The following DPP10 variants were observed in gnomAD, a reference collection of about 807,000 sequenced individuals.
The protein encoded by DPP10 is inactive dipeptidyl peptidase 10.
In DPP10, 33 loss-of-function variants were observed where a neutral mutation model predicts 120.9. The ratio of observed to expected loss-of-function variants is 0.27; its 90% CI spans 0.21 to 0.37. The LOEUF is 0.37. Among genes scored for constraint, DPP10 ranks in the 10% least tolerant of loss-of-function variants. The pLI is 1.00. For synonymous variants in DPP10, 337 were observed against 326.1 expected (o/e 1.03, Z -0.36); for missense variants, 816 against 942.8 (o/e 0.87, Z 1.76).
At chr2:115,509,005 A>T (rs1445341130) in intron 4 of DPP10, among the ~76,000 whole-genome samples, 1 of 152,186 alleles carries the variant, frequency 6.6e-6, no homozygotes, top group Non-Finnish European at 1.5e-5. Flanking sequence ...GGAGTATTAG[A>T]AACAAAGAAT....
intron 1 of DPP10, among the ~76,000 whole-genome samples, chr2:115,020,296 TAGGTA>T (rs1321142930): frequency 6.6e-6 from 1 of 152,102 alleles, no homozygotes; most frequent in Non-Finnish European, 1.5e-5. Context: ...ACATAAACTT[TAGGTA>T]AAGTGGTGGA....
rs939494628 is a variant in DPP10, at chr2:115,804,750, C to T, written c.1701-10043C>T. On this transcript the variant is annotated intron_variant, in intron 19 of 25. Coordinates refer to ENST00000410059, the MANE Select transcript of DPP10 (RefSeq NM_020868.6). ...AGTGGTGGCTGCAGAACAGTGGATACTGGTGAACCGCAAATGCTGCTGCCT... is the reference window on the plus strand; with the variant it reads ...AGTGGTGGCTGCAGAACAGTGGATATTGGTGAACCGCAAATGCTGCTGCCT... 2.6e-5 allele frequency among the ~76,000 whole-genome samples: 4 copies of T among 152,166 alleles called. No homozygotes were observed. The South Asian group carries it at 8.3e-4, about 32-fold the overall frequency.
chr2:114,923,746 G>A (rs918093274), intron 1 of DPP10, among the ~76,000 whole-genome samples: 14 of 131,776 alleles, frequency 1.1e-4, no homozygotes, highest in East Asian at 8.8e-4. Flanking sequence ...GATTACAGGC[G>A]TGAGCCACCG....
chr2:115,532,497 ATAC>A (rs1436676208), intron 5 of DPP10, among the ~76,000 whole-genome samples: 5 of 152,134 alleles, frequency 3.3e-5, no homozygotes, highest in East Asian at 1.9e-4. Context: ...CAAGTGAAAC[ATAC>A]TACAATATGT....
chr2:115,631,000 CT>C (rs1450621491), intron 5 of DPP10, among the ~76,000 whole-genome samples: 1 of 141,098 alleles, frequency 7.1e-6, no homozygotes, highest in East Asian at 2.1e-4. Context: ...CTTTGTACTT[CT>C]GGTAGAATTC....
intron 1 of DPP10, chr2:114,463,264 T>G (rs1679080269): frequency 1.3e-5 from 2 of 152,170 alleles, no homozygotes; most frequent in Non-Finnish European, 2.9e-5. Context: ...ACAATGATGT[T>G]TCCTACTCTA....
chr2:114,566,137 A>T (rs1030120792), intron 1 of DPP10, among the ~76,000 whole-genome samples: 1 of 152,150 alleles, frequency 6.6e-6, no homozygotes. Context: ...CAATTATCAG[A>T]AGCGTTTTTT....
chr2:114,965,969 AAAAAAAAAAAAAAAAAAAG>A (rs1698993726), intron 1 of DPP10, among the ~76,000 whole-genome samples: 1 of 146,760 alleles, frequency 6.8e-6, no homozygotes, highest in African/African-American at 2.5e-5. Flanking sequence ...CTTCTCAAAA[AAAAAAAAAAAAAAAAAAAG>A]AAAAAAAAAG....
chr2:114,467,636 T>C (rs1449729768), intron 1 of DPP10, among the ~76,000 whole-genome samples: 2 of 152,196 alleles, frequency 1.3e-5, no homozygotes, highest in Non-Finnish European at 2.9e-5. Context: ...AATCAATGCT[T>C]GTTTTTTGTT....
intron 1 of DPP10, among the ~76,000 whole-genome samples, chr2:114,812,673 C>T (rs1685283369): frequency 6.6e-6 from 1 of 151,606 alleles, no homozygotes; most frequent in East Asian, 1.9e-4. Context: ...ACCTCTGTAT[C>T]TCTACAGCTT....
At chr2:115,371,595 T>TA (rs1207688123) in intron 3 of DPP10, among the ~76,000 whole-genome samples, 4 of 152,206 alleles carry the variant, frequency 2.6e-5, no homozygotes, top group African/African-American at 9.6e-5. Flanking sequence ...TACTCTGAGT[T>TA]ACTTAAATTG....
At chr2:115,587,251 C>G (rs1358881266) in intron 5 of DPP10, among the ~76,000 whole-genome samples, 1 of 151,988 alleles carries the variant, frequency 6.6e-6, no homozygotes, top group East Asian at 1.9e-4. Context: ...GCTCCCGCGA[C>G]CACGCCCAGC....
intron 1 of DPP10, among the ~76,000 whole-genome samples, chr2:115,171,084 G>T (rs2053283996): frequency 6.6e-6 from 1 of 152,122 alleles, no homozygotes; most frequent in African/African-American, 2.4e-5. Flanking sequence ...ATATTGGCTG[G>T]GCACAGTGGC....
chr2:115,642,368 G>A (rs2086855410), intron 5 of DPP10, among the ~76,000 whole-genome samples: 2 of 152,096 alleles, frequency 1.3e-5, no homozygotes. Context: ...CACAAGGTGG[G>A]TGGGCTCATC....
intron 1 of DPP10, among the ~76,000 whole-genome samples, chr2:115,184,821 A>C (rs191278128): frequency 1.3e-5 from 2 of 152,364 alleles, no homozygotes; most frequent in East Asian, 3.9e-4. Context: ...GCAATGAGAC[A>C]GAATAATCTA....
chr2:114,545,581 A>G (rs1207220323), intron 1 of DPP10, among the ~76,000 whole-genome samples: 2 of 152,236 alleles, frequency 1.3e-5, no homozygotes, highest in Admixed American at 1.3e-4. Context: ...GGGGATTTAG[A>G]TAAAACTTTC....
intron 1 of DPP10, among the ~76,000 whole-genome samples, chr2:114,510,194 T>A (rs1188788287): frequency 6.6e-6 from 1 of 152,148 alleles, no homozygotes; most frequent in Admixed American, 6.6e-5. Context: ...GTCATGCAAT[T>A]TGGATGTGAA....
At chr2:115,051,484 G>A (rs947909142) in intron 1 of DPP10, among the ~76,000 whole-genome samples, 1 of 152,144 alleles carries the variant, frequency 6.6e-6, no homozygotes, top group African/African-American at 2.4e-5. Context: ...ACTTCAGACT[G>A]AAACTAATGG....
At chr2:115,350,711 A>C (rs1195588637) in intron 3 of DPP10, among the ~76,000 whole-genome samples, 1 of 152,078 alleles carries the variant, frequency 6.6e-6, no homozygotes, top group Non-Finnish European at 1.5e-5. Flanking sequence ...CAGCAGTTTC[A>C]CTTCCTTCTT....
Sources: gnomAD v4.1 joint callset for allele counts (sites outside exome capture counted in the v4.1 genomes callset) on GRCh38, gnomAD v4.1.1 for gene constraint, MANE v1.5 for transcripts, NCBI Gene and HGNC (gene_info 2026-07-23, HGNC 2026-07-21) for gene names.